Variants in KIAA1549L observed in about 807,000 individuals in gnomAD.
KIAA1549L encodes UPF0606 protein KIAA1549L.
Under a neutral mutation model 160.7 loss-of-function variants are expected in KIAA1549L, and 88 were observed. The ratio of observed to expected loss-of-function variants is 0.55; its 90% CI spans 0.46 to 0.65. The LOEUF (loss-of-function observed/expected upper bound fraction) is 0.65. Ranked by LOEUF, KIAA1549L falls within the 30% of genes least tolerant of loss-of-function variation. The pLI, the probability that KIAA1549L is intolerant of heterozygous loss-of-function variation, is 0.00. For missense variants in KIAA1549L, 2,258 were observed against 2,437.5 expected, an observed-to-expected ratio of 0.93 and a Z score of 1.55; for synonymous variants, 950 against 976.7, an observed-to-expected ratio of 0.97 and a Z score of 0.51.
intron 1 of KIAA1549L, among the ~76,000 whole-genome samples, chr11:33,401,264 T>C (rs1850494547): frequency 6.8e-6 from 1 of 147,390 alleles, no homozygotes; most frequent in South Asian, 2.1e-4. Flanking sequence ...ATACATTATA[T>C]TTATACAATA....
Position 33,545,028 on chromosome 11 carries a change from A to G in KIAA1549L, c.3035A>G (p.Tyr1012Cys). 1.9e-6 allele frequency: 3 copies of G among 1,614,042 alleles called. No individual in the cohort carries two copies. The highest frequency in any genetic ancestry group is 2.5e-6 in the Non-Finnish European group (3 of 1,179,888). ...TAFPFTPTYM[Y>C]ARTGHTTSTH... Reference sequence around the variant, plus strand: ...TTCCCATTCACACCAACCTACATGTATGCAAGAACAGGACATACCACGAGC... The same window carrying G: ...TTCCCATTCACACCAACCTACATGTGTGCAAGAACAGGACATACCACGAGC... Residue 1012 changes from tyrosine (Y) to cysteine (C), a missense_variant, in exon 3 of 21, where the codon TAT becomes TGT. Tyr to Cys is a radical substitution (Grantham distance 194). This residue lies in a region of KIAA1549L where 1,359 missense variants were observed against 1,546.6 expected (regional missense o/e 0.88). Coordinates refer to ENST00000658780, the MANE Select transcript of KIAA1549L (RefSeq NM_012194.3).
intron 1 of KIAA1549L, among the ~76,000 whole-genome samples, chr11:33,393,110 ATCTGGG>A (rs201919925): frequency 0.01 from 1,526 of 152,212 alleles, 79 homozygotes; most frequent in Admixed American, 0.08. Flanking sequence ...TTGCTTAGCA[ATCTGGG>A]TCCTTTATGA....
At chr11:33,632,681 C>T (rs941424319) in intron 16 of KIAA1549L, among the ~76,000 whole-genome samples, 3 of 152,068 alleles carry the variant, frequency 2.0e-5, no homozygotes, top group Non-Finnish European at 4.4e-5. Context: ...TTGGCTCAGG[C>T]GAGCCTCCCT....
intron 1 of KIAA1549L, among the ~76,000 whole-genome samples, chr11:33,513,017 G>T (rs1853261627): frequency 6.6e-6 from 1 of 152,052 alleles, no homozygotes; most frequent in Non-Finnish European, 1.5e-5. Flanking sequence ...CTTAGCTTGG[G>T]TCCTCTCCCT....
chr11:33,414,812 GGA>G (rs772317908), intron 1 of KIAA1549L, among the ~76,000 whole-genome samples: 3 of 152,020 alleles, frequency 2.0e-5, no homozygotes, highest in South Asian at 2.1e-4. Flanking sequence ...CTATTTGTGA[GGA>G]GAGAGAGTGT....
At chr11:33,449,516 C>G (rs1163360144) in intron 1 of KIAA1549L, among the ~76,000 whole-genome samples, 1 of 152,160 alleles carries the variant, frequency 6.6e-6, no homozygotes, top group Non-Finnish European at 1.5e-5. Context: ...TAGTTCCTCT[C>G]AAGGAAATCC....
chr11:33,553,428 A>G (rs759427172), intron 6 of KIAA1549L, among the ~76,000 whole-genome samples: 3 of 152,088 alleles, frequency 2.0e-5, no homozygotes, highest in Non-Finnish European at 4.4e-5. Flanking sequence ...CTACTGAACT[A>G]TAAAGCCTTT....
At chr11:33,405,132 A>G (rs1447886818) in intron 1 of KIAA1549L, among the ~76,000 whole-genome samples, 1 of 152,134 alleles carries the variant, frequency 6.6e-6, no homozygotes, top group Non-Finnish European at 1.5e-5. Flanking sequence ...ACCATTATTC[A>G]ACACCTGTCT....
intron 1 of KIAA1549L, among the ~76,000 whole-genome samples, chr11:33,537,509 T>C (rs1470306482): frequency 3.9e-5 from 6 of 152,146 alleles, no homozygotes; most frequent in Non-Finnish European, 7.3e-5. Context: ...AAATATGCAC[T>C]TTGGGGAATT....
At chr11:33,638,676 C>A (rs1472819550) in intron 16 of KIAA1549L, among the ~76,000 whole-genome samples, 1 of 151,634 alleles carries the variant, frequency 6.6e-6, no homozygotes, top group African/African-American at 2.4e-5. Flanking sequence ...AGTGGAATTT[C>A]TGGGTCATAG....
At chr11:33,429,934 C>G (rs1453198437) in intron 1 of KIAA1549L, among the ~76,000 whole-genome samples, 3 of 152,156 alleles carry the variant, frequency 2.0e-5, no homozygotes, top group Non-Finnish European at 4.4e-5. Context: ...CCCTCACCAT[C>G]TCTTCTGTAT....
At chr11:33,654,523 C>T (rs1021624047) in intron 17 of KIAA1549L, among the ~76,000 whole-genome samples, 1 of 152,196 alleles carries the variant, frequency 6.6e-6, no homozygotes, top group Admixed American at 6.5e-5. Context: ...TCTGCCTGAG[C>T]TGGGATCATT....
chr11:33,500,131 A>T (rs539306728), intron 1 of KIAA1549L, among the ~76,000 whole-genome samples: 1 of 152,350 alleles, frequency 6.6e-6, no homozygotes, highest in Admixed American at 6.5e-5. Context: ...TACAATAAAA[A>T]TTTTGAGATT....
At chr11:33,549,497 A>AT (rs1342919911) in intron 4 of KIAA1549L, among the ~76,000 whole-genome samples, 2 of 152,186 alleles carry the variant, frequency 1.3e-5, no homozygotes, top group Non-Finnish European at 2.9e-5. Flanking sequence ...GATTTAGTTG[A>AT]TTTAGTGTTG....
intron 1 of KIAA1549L, among the ~76,000 whole-genome samples, chr11:33,473,634 G>T (rs1006195698): frequency 2.6e-5 from 4 of 152,290 alleles, no homozygotes; most frequent in Admixed American, 2.6e-4. Flanking sequence ...TCCGAGCATG[G>T]CATTCAAAGG....
In KIAA1549L at chr11:33,542,550, C is replaced by T. The variant is rs1207105815; in HGVS notation, c.987C>T (p.Ser329=). The T allele has an allele frequency of 6.2e-7, 1 of 1,613,922 alleles. No individual in the cohort carries two copies. The highest frequency in any genetic ancestry group is 2.2e-5 in the East Asian group (1 of 44,878). Residue 329 remains serine (S), a synonymous_variant, in exon 2 of 21, where the codon TCC becomes TCT. Transcript: ENST00000658780. ...GSSTKWHSEL[S]PTEGPHSAGS... ...CAACAAAATGGCATTCCGAGCTGTCCCCAACAGAGGGTCCCCATTCAGCAG... is the reference window on the plus strand; with the variant it reads ...CAACAAAATGGCATTCCGAGCTGTCTCCAACAGAGGGTCCCCATTCAGCAG...
At chr11:33,567,762 G>A (rs1855098640) in intron 8 of KIAA1549L, among the ~76,000 whole-genome samples, 1 of 152,236 alleles carries the variant, frequency 6.6e-6, no homozygotes, top group Non-Finnish European at 1.5e-5. Flanking sequence ...AGCATTCGCA[G>A]TGTCACAGTT....
chr11:33,651,760 T>C (rs1026015547), intron 17 of KIAA1549L, among the ~76,000 whole-genome samples: 2 of 151,886 alleles, frequency 1.3e-5, no homozygotes, highest in Non-Finnish European at 2.9e-5. Flanking sequence ...CTGGGAATGC[T>C]AGAGAGTATG....
Position 33,623,325 on chromosome 11 carries a change from G to C in KIAA1549L, c.5409+4663G>C, listed in dbSNP as rs1418232927. ...GAAGCAACCTGCTTGTTGCCCCCCT[G>C]ACCTCGGTGCTCTTGTGTTGACCCC... On this transcript the variant is annotated intron_variant, in intron 16 of 20. Transcript: ENST00000658780. 2.0e-5 allele frequency among the ~76,000 whole-genome samples: 3 copies of C among 152,060 alleles called. No individual in the cohort carries two copies. In the East Asian group the frequency reaches 5.8e-4, roughly 29 times the overall value.
Sources: allele counts gnomAD v4.1 joint callset (sites outside exome capture counted in the v4.1 genomes callset), GRCh38; gene constraint gnomAD v4.1.1; regional missense constraint gnomAD v4.1.1; transcripts MANE v1.5; gene names NCBI Gene and HGNC (gene_info 2026-07-23, HGNC 2026-07-21).